The following SHLD1 variants were observed in gnomAD, a reference collection of about 807,000 sequenced individuals.
SHLD1 encodes RINN1-REV7-interacting novel NHEJ regulator 3.
A neutral mutation model predicts 5.5 loss-of-function variants in SHLD1; 3 were observed. That is an observed-to-expected ratio of 0.54 (90% CI 0.25 to 1.40). The LOEUF (loss-of-function observed/expected upper bound fraction) is 1.40, where lower values mean the gene tolerates loss of function less well. Ranked by LOEUF, SHLD1 falls within the 40% of genes most tolerant of loss-of-function variation. The pLI is 0.15. For synonymous variants in SHLD1, 92 were observed against 94.3 expected (o/e 0.98, Z 0.14); for missense variants, 210 against 244.4 (o/e 0.86, Z 0.94).
At chr20:5,755,201 G>T (rs138377960) in intron 1 of SHLD1, among the ~76,000 whole-genome samples, 2 of 152,282 alleles carry the variant, frequency 1.3e-5, no homozygotes, top group Admixed American at 1.3e-4. Flanking sequence ...CTTAAAAGAG[G>T]CTTCTGGATG....
chr20:5,843,135 C>T (rs2087886503), intron 2 of SHLD1, among the ~76,000 whole-genome samples: 1 of 152,088 alleles, frequency 6.6e-6, no homozygotes, highest in South Asian at 2.1e-4. Flanking sequence ...AAAGTACATC[C>T]CTCTAAGGTT....
intron 1 of SHLD1, among the ~76,000 whole-genome samples, chr20:5,751,333 C>T (rs1301438873): frequency 6.6e-6 from 1 of 152,062 alleles, no homozygotes; most frequent in East Asian, 1.9e-4. Context: ...AGTCTCATGA[C>T]TCTCACTCTG....
At chr20:5,784,957 A>C (rs2087039870) in intron 2 of SHLD1, among the ~76,000 whole-genome samples, 1 of 152,208 alleles carries the variant, frequency 6.6e-6, no homozygotes, top group African/African-American at 2.4e-5. Flanking sequence ...CCTCCGGGGC[A>C]CTTATCTGCC....
intron 1 of SHLD1, among the ~76,000 whole-genome samples, chr20:5,766,622 C>G (rs1984842809): frequency 6.6e-6 from 1 of 152,124 alleles, no homozygotes; most frequent in Non-Finnish European, 1.5e-5. Context: ...AAAGAGGGTA[C>G]TGATAGGATT....
intron 2 of SHLD1, among the ~76,000 whole-genome samples, chr20:5,812,372 G>A (rs745929222): frequency 6.6e-6 from 1 of 152,084 alleles, no homozygotes; most frequent in Non-Finnish European, 1.5e-5. Context: ...ACAATGCACT[G>A]ATTACTGTGC....
chr20:5,779,262 A>C (rs1449772287), intron 2 of SHLD1, among the ~76,000 whole-genome samples: 3 of 152,022 alleles, frequency 2.0e-5, no homozygotes, highest in African/African-American at 7.2e-5. Flanking sequence ...GTTACCAAGC[A>C]ATGAACTTGA....
chr20:5,754,349 GA>G (rs1983939768), intron 1 of SHLD1, among the ~76,000 whole-genome samples: 2 of 152,034 alleles, frequency 1.3e-5, no homozygotes, highest in Non-Finnish European at 2.9e-5. Flanking sequence ...GGGCTTAAGT[GA>G]TCTTCCTGCC....
At chr20:5,834,250 G>A (rs2087763715) in intron 2 of SHLD1, among the ~76,000 whole-genome samples, 2 of 152,194 alleles carry the variant, frequency 1.3e-5, no homozygotes, top group South Asian at 4.1e-4. Flanking sequence ...GAGTCTTCCT[G>A]CCTTCAGGAG....
chr20:5,849,928 C>T (rs1302393056), intron 2 of SHLD1, among the ~76,000 whole-genome samples: 5 of 140,444 alleles, frequency 3.6e-5, no homozygotes, highest in Admixed American at 1.5e-4. Context: ...CACTGCAGTC[C>T]GCAGTCCGGC....
intron 2 of SHLD1, among the ~76,000 whole-genome samples, chr20:5,829,032 C>G (rs2087698233): frequency 6.6e-6 from 1 of 152,104 alleles, no homozygotes; most frequent in South Asian, 2.1e-4. Flanking sequence ...CACCACCATG[C>G]CTGGCTCATT....
chr20:5,811,933 G>A (rs751587339), intron 2 of SHLD1, among the ~76,000 whole-genome samples: 12 of 151,952 alleles, frequency 7.9e-5, no homozygotes, highest in Admixed American at 4.6e-4. Context: ...CCCAAGGCGA[G>A]TTACTTTCTC....
At chr20:5,821,298 A>G (rs1441237725) in intron 2 of SHLD1, among the ~76,000 whole-genome samples, 2 of 152,090 alleles carry the variant, frequency 1.3e-5, no homozygotes, top group African/African-American at 4.8e-5. Flanking sequence ...GGATCACCTG[A>G]GGTCAGGAGT....
chr20:5,802,829 A>G (rs1037791734), intron 2 of SHLD1, among the ~76,000 whole-genome samples: 3 of 151,874 alleles, frequency 2.0e-5, no homozygotes, highest in African/African-American at 7.3e-5. Context: ...CAATTCATCC[A>G]CCTTGGTCTC....
At chr20:5,756,891 C>A in intron 1 of SHLD1, 1 of 174,398 alleles carries the variant, frequency 5.7e-6, no homozygotes, top group Non-Finnish European at 1.3e-5. Context: ...ACTGTTCCCT[C>A]TCCAATCTGA....
chr20:5,812,942 G>T (rs34485350), intron 2 of SHLD1, among the ~76,000 whole-genome samples: 52,387 of 151,542 alleles, frequency 0.35, 10,728 homozygotes, highest in Non-Finnish European at 0.45. Context: ...TGATATAATC[G>T]TGGCTTACCA....
intron 2 of SHLD1, among the ~76,000 whole-genome samples, chr20:5,788,926 G>A (rs188940624): frequency 2.7e-4 from 41 of 152,256 alleles, no homozygotes; most frequent in Non-Finnish European, 4.6e-4. Flanking sequence ...GAGATCAGGA[G>A]ATCGAGACCA....
Position 5,802,288 on chromosome 20 carries a change from C to T in SHLD1, c.178+29245C>T, listed in dbSNP as rs145707635. The stretch of plus-strand genomic sequence containing the variant: ...TTGTGAAAGGATGTCCTTGGTCCTC[C>T]AGGCCCTGCTTTCCTGTTGGTGGCC... On this transcript the variant is annotated intron_variant, in intron 2 of 2. Coordinates refer to ENST00000303142, the MANE Select transcript of SHLD1 (RefSeq NM_152504.4). Among the ~76,000 whole-genome samples the T allele has an allele frequency of 2.2e-4, 33 of 152,238 alleles. No homozygotes were observed. The East Asian group carries it at 6.4e-3, about 29-fold the overall frequency.
chr20:5,802,862 G>A (rs753109621), intron 2 of SHLD1, among the ~76,000 whole-genome samples: 4 of 152,144 alleles, frequency 2.6e-5, no homozygotes, highest in Non-Finnish European at 5.9e-5. Flanking sequence ...GATTACTGGC[G>A]TGAGCCACTG....
At chr20:5,845,942 G>A (rs1600174744) in intron 2 of SHLD1, among the ~76,000 whole-genome samples, 1 of 152,160 alleles carries the variant, frequency 6.6e-6, no homozygotes, top group Admixed American at 6.5e-5. Context: ...GTACATTCTA[G>A]TGTGTTTGTT....
Sources: gnomAD v4.1 joint callset for allele counts (sites outside exome capture counted in the v4.1 genomes callset) on GRCh38, gnomAD v4.1.1 for gene constraint, MANE v1.5 for transcripts, NCBI Gene and HGNC (gene_info 2026-07-23, HGNC 2026-07-21) for gene names.